Variants in RRBP1 observed in about 807,000 individuals in gnomAD.
The protein encoded by RRBP1 is ribosome binding protein 1, also known as ribosome-binding protein 1.
A neutral mutation model predicts 165.2 loss-of-function variants in RRBP1; 94 were observed. The observed-to-expected ratio is 0.57, with a 90% CI of 0.48 to 0.68. The LOEUF (loss-of-function observed/expected upper bound fraction) is 0.68, where lower values mean the gene tolerates loss of function less well. Among genes scored for constraint, RRBP1 ranks in the 30% least tolerant of loss-of-function variants. The pLI is 0.00. For synonymous variants in RRBP1, 680 were observed against 714.5 expected (o/e 0.95, Z 0.77); for missense variants, 1,676 against 1,763.0 (o/e 0.95, Z 0.88).
intron 2 of RRBP1, among the ~76,000 whole-genome samples, chr20:17,663,037 A>G (rs1424858127): frequency 1.3e-5 from 2 of 152,104 alleles, no homozygotes; most frequent in African/African-American, 2.4e-5. Flanking sequence ...AAAATCCTCT[A>G]AAACACTCCC....
Position 17,643,218 on chromosome 20 carries a change from C to G in RRBP1, c.1913-91G>C. 1 of 1,382,132 alleles carries G rather than the reference C, an allele frequency of 7.2e-7. No homozygotes were observed. The highest frequency in any genetic ancestry group is 9.9e-7 in the Non-Finnish European group (1 of 1,012,240). The allele number at this position is 1,382,132 out of a possible 1,614,324, so 85.6% of individuals were successfully genotyped here. A position where few individuals can be genotyped will look rare whatever the true frequency, so the allele number is the denominator to read the frequency against. On this transcript the variant is annotated intron_variant, in intron 3 of 24. Transcript: ENST00000377813. The surrounding 1 kb of genome is among the most constrained non-coding windows in gnomAD (Gnocchi z 4.3). ...CCCATCACACCAAGAAGGTTCTGGT[C>G]ACAGCCACGAAGAGCTCTCTGACTG...
intron 1 of RRBP1, among the ~76,000 whole-genome samples, 195 bp from the exon 2 acceptor site, chr20:17,680,270 C>T (rs2037155482): frequency 6.6e-6 from 1 of 152,182 alleles, no homozygotes; most frequent in Non-Finnish European, 1.5e-5. Flanking sequence ...CCCAGCTGCA[C>T]AGGGCGGGGT....
intron 2 of RRBP1, among the ~76,000 whole-genome samples, chr20:17,669,015 ATT>A (rs147797346): frequency 6.7e-6 from 1 of 150,094 alleles, no homozygotes; most frequent in African/African-American, 2.4e-5. Context: ...GCAATCTCTG[ATT>A]TTTTTTTTAA....
At chr20:17,636,953 T>C (rs1181716679) in intron 5 of RRBP1, among the ~76,000 whole-genome samples, 1 of 152,182 alleles carries the variant, frequency 6.6e-6, no homozygotes, top group Non-Finnish European at 1.5e-5. Context: ...GTGGGCTCAA[T>C]GTCAGGCCTT....
intron 2 of RRBP1, among the ~76,000 whole-genome samples, chr20:17,670,318 C>T (rs917989474): frequency 3.3e-5 from 5 of 151,450 alleles, no homozygotes; most frequent in Non-Finnish European, 5.9e-5. Context: ...TGAGATCTGA[C>T]TGATGGTTTT....
chr20:17,635,809 C>A, intron 6 of RRBP1, 145 bp from the exon 7 acceptor site: 2 of 697,764 alleles, frequency 2.9e-6, no homozygotes, highest in East Asian at 2.7e-5. Context: ...AAGAGGATCC[C>A]ATAAAACAAG....
rs1348232050 is a variant in RRBP1, at chr20:17,618,664, G to A, written c.3691C>T (p.Leu1231=). ...KEVAGLRQLL[L]ESQSQLDAAK... is the part of the protein sequence containing the mutation. ...GCATCGAGCTGAGATTGAGATTCTAGGAGAAGTTGCCTCAGCTTGGGGAGA... is the reference window on the plus strand; with the variant it reads ...GCATCGAGCTGAGATTGAGATTCTAAGAGAAGTTGCCTCAGCTTGGGGAGA... Residue 1231 remains leucine, a synonymous_variant, in exon 20 of 25, where the codon CTA becomes TTA. Transcript: ENST00000377813. 3 of 1,613,806 alleles carry A rather than the reference G, an allele frequency of 1.9e-6. No individual in the cohort carries two copies. Among genetic ancestry groups the A allele is most frequent in the African/African-American group, 1.3e-5 (1 of 74,922 alleles).
At chr20:17,662,277 CA>C (rs1163234984) in intron 2 of RRBP1, among the ~76,000 whole-genome samples, 222 of 138,556 alleles carry the variant, frequency 1.6e-3, no homozygotes, top group African/African-American at 3.6e-3. Context: ...AAAAAATTTT[CA>C]AAAAAAAAAA....
intron 9 of RRBP1, among the ~76,000 whole-genome samples, chr20:17,628,672 T>C (rs1275756867): frequency 2.0e-5 from 3 of 152,226 alleles, no homozygotes; most frequent in African/African-American, 7.2e-5. Context: ...GTTAGCCCAT[T>C]TCTCACATAG....
intron 12 of RRBP1, 21 bp from the exon 13 acceptor site, chr20:17,624,689 A>C (rs1433654130): frequency 6.5e-7 from 1 of 1,533,078 alleles, no homozygotes. Context: ...CACAGGTGAA[A>C]GGTCAGCAGC....
At chr20:17,634,634 C>T (rs527816381) in intron 7 of RRBP1, among the ~76,000 whole-genome samples, 1 of 152,380 alleles carries the variant, frequency 6.6e-6, no homozygotes, top group Admixed American at 6.5e-5. Flanking sequence ...TGACAAGTCT[C>T]CTGGCTTTAG....
intron 3 of RRBP1, among the ~76,000 whole-genome samples, chr20:17,657,511 T>C (rs1439024138): frequency 6.8e-6 from 1 of 147,120 alleles, no homozygotes; most frequent in Non-Finnish European, 1.5e-5. Flanking sequence ...TCAACACAAA[T>C]GCAATTATTT....
At chr20:17,673,479 G>A (rs1229172669) in intron 2 of RRBP1, among the ~76,000 whole-genome samples, 3 of 152,178 alleles carry the variant, frequency 2.0e-5, no homozygotes, top group Admixed American at 2.0e-4. Flanking sequence ...TACGATCCCG[G>A]CTCACTGCAA....
At position 17,625,407 on chromosome 20, in the gene RRBP1, C is replaced by A. The variant is rs2035997541; in HGVS notation, c.3054+105G>T. The stretch of plus-strand genomic sequence containing the variant: ...ACAATGGGGTGTAGAAACACAAGCT[C>A]AGCCCTCCCCCGAGTCCAGGGCGGG... On this transcript the variant is annotated intron_variant, in intron 12 of 24. Coordinates refer to ENST00000377813, the MANE Select transcript of RRBP1 (RefSeq NM_001365613.2). The A allele has an allele frequency of 1.0e-5, 10 of 970,322 alleles. 1 individual carries two copies. In the South Asian group the frequency reaches 1.4e-4, roughly 14 times the overall value. The allele number at this position is 970,322 out of a possible 1,614,324, so 60.1% of individuals were successfully genotyped here. A position where few individuals can be genotyped will look rare whatever the true frequency, so the allele number is the denominator to read the frequency against.
At chr20:17,626,189 C>T (rs2122284118) in intron 11 of RRBP1, among the ~76,000 whole-genome samples, 1 of 152,304 alleles carries the variant, frequency 6.6e-6, no homozygotes, top group Non-Finnish European at 1.5e-5. Flanking sequence ...CTGCCAGACA[C>T]ATCTACATGA....
At chr20:17,632,109 T>C (rs2036161900) in intron 8 of RRBP1, among the ~76,000 whole-genome samples, 1 of 152,152 alleles carries the variant, frequency 6.6e-6, no homozygotes, top group African/African-American at 2.4e-5. Context: ...AATAACTTGC[T>C]AGGAAGTGGC....
Position 17,621,773 on chromosome 20 carries a change from T to G in RRBP1, c.3241A>C (p.Asn1081His), listed in dbSNP as rs2035918854. The change falls in exon 15 of 25, where the codon AAT (asparagine) becomes CAT (histidine). Residue 1081 changes from asparagine (N) to histidine (H), a missense_variant and splice_region_variant. Physicochemically the swap from Asn to His is moderately conservative, Grantham distance 68. This residue lies in a region of RRBP1 where 1,184 missense variants were observed against 1,167.1 expected (regional missense o/e 1.01). Coordinates refer to ENST00000377813, the MANE Select transcript of RRBP1 (RefSeq NM_001365613.2). ...LPELSVLAQQ[N>H]YTEWLQDLKE... ...AGATCCTGCAGCCACTCGGTGTAAT[T>G]CTGCAATGAAACACATTCGGTGAGA... is the stretch of plus-strand genomic sequence containing the variant. 3.1e-6 allele frequency: 5 copies of G among 1,613,818 alleles called. No homozygotes were observed. The highest frequency in any genetic ancestry group is 3.4e-6 in the Non-Finnish European group (4 of 1,180,010).
intron 2 of RRBP1, among the ~76,000 whole-genome samples, chr20:17,677,528 T>G (rs983633482): frequency 6.6e-6 from 1 of 152,204 alleles, no homozygotes; most frequent in Non-Finnish European, 1.5e-5. Context: ...TCCCCAGTAC[T>G]GCCCAATGAT....
intron 2 of RRBP1, among the ~76,000 whole-genome samples, chr20:17,666,633 A>G (rs2036876214): frequency 6.6e-6 from 1 of 152,174 alleles, no homozygotes. Context: ...TCCAAACCAT[A>G]TGATCTCATT....
Sources: gnomAD v4.1 joint callset for allele counts (sites outside exome capture counted in the v4.1 genomes callset) on GRCh38, gnomAD v4.1.1 for gene constraint, gnomAD v4.1.1 regional missense constraint, Gnocchi (gnomAD v3.1) non-coding constraint, MANE v1.5 for transcripts, NCBI Gene and HGNC (gene_info 2026-07-23, HGNC 2026-07-21) for gene names.